Variants in FRYL observed in about 807,000 individuals in gnomAD.
The protein encoded by FRYL is FRY like transcription coactivator.
A neutral mutation model predicts 351.2 loss-of-function variants in FRYL; 150 were observed. The ratio of observed to expected loss-of-function variants is 0.43; its 90% CI spans 0.37 to 0.49. The LOEUF is 0.49. Among genes scored for constraint, FRYL ranks in the 20% least tolerant of loss-of-function variants. The pLI, the probability that FRYL is intolerant of heterozygous loss-of-function variation, is 0.00. For missense variants in FRYL, 3,036 were observed against 3,619.3 expected (o/e 0.84, Z 4.13); for synonymous variants, 1,153 against 1,257.1 (o/e 0.92, Z 1.75).
At chr4:48,582,406 T>A in intron 20 of FRYL, 91 bp downstream of exon 20, 1 of 792,864 alleles carries the variant, frequency 1.3e-6, no homozygotes, top group Middle Eastern at 2.4e-4. Flanking sequence ...ATAATACTTT[T>A]AGTGTTTGAT....
At chr4:48,585,357 C>A (rs748644150) in intron 19 of FRYL, among the ~76,000 whole-genome samples, 22 of 152,146 alleles carry the variant, frequency 1.4e-4, no homozygotes, top group Non-Finnish European at 2.8e-4. Context: ...TCACAACAGG[C>A]AACAGTTGAG....
rs568765521 is a variant in FRYL at position 48,709,716 on chromosome 4, G to A, written c.-204+803C>T. ...CACCCATTTCAGACGAGAAAACTGC[G>A]TCTACCAAGGCTAATTAACTGGCAT... On this transcript the variant is annotated intron_variant, in intron 2 of 63. Transcript: ENST00000358350. Among the ~76,000 whole-genome samples, 102 of 152,192 alleles carry A rather than the reference G, an allele frequency of 6.7e-4. 1 individual carries two copies. The highest frequency in any genetic ancestry group is 3.4e-3 in the Middle Eastern group (1 of 294).
At chr4:48,648,680 G>A (rs1383038441) in intron 3 of FRYL, among the ~76,000 whole-genome samples, 1 of 152,070 alleles carries the variant, frequency 6.6e-6, no homozygotes, top group East Asian at 1.9e-4. Context: ...AAATTGTGAT[G>A]TATCCATCCA....
chr4:48,507,571 C>T (rs1228412047), intron 59 of FRYL, among the ~76,000 whole-genome samples: 3 of 151,858 alleles, frequency 2.0e-5, no homozygotes, highest in Non-Finnish European at 4.4e-5. Flanking sequence ...GGAGTGAGCC[C>T]AATACCCGCC....
intron 37 of FRYL, among the ~76,000 whole-genome samples, chr4:48,551,011 G>A (rs890383684): frequency 6.6e-6 from 1 of 151,668 alleles, no homozygotes; most frequent in Non-Finnish European, 1.5e-5. Flanking sequence ...GGCAGAGGTT[G>A]AGCTGAGATT....
At chr4:48,511,307 T>C (rs991431522) in intron 57 of FRYL, among the ~76,000 whole-genome samples, 7 of 152,302 alleles carry the variant, frequency 4.6e-5, no homozygotes, top group Non-Finnish European at 1.0e-4. Flanking sequence ...TCACCTGTCT[T>C]GAGGAAGTTG....
intron 3 of FRYL, among the ~76,000 whole-genome samples, chr4:48,649,363 A>G (rs1295459076): frequency 6.6e-6 from 1 of 152,214 alleles, no homozygotes; most frequent in African/African-American, 2.4e-5. Flanking sequence ...TTTAACTTAT[A>G]AAATTACGGT....
At chr4:48,622,017 A>G (rs1750740908) in intron 5 of FRYL, among the ~76,000 whole-genome samples, 2 of 152,174 alleles carry the variant, frequency 1.3e-5, no homozygotes, top group Admixed American at 6.6e-5. Flanking sequence ...TGCAATATCT[A>G]AAGAAGGAAC....
Position 48,567,481 on chromosome 4 carries a change from A to C in FRYL, c.2997-61T>G, listed in dbSNP as rs1737041388. 1 of 1,266,254 alleles carries C rather than the reference A, an allele frequency of 7.9e-7. No homozygotes were observed. Among genetic ancestry groups the C allele is most frequent in the Non-Finnish European group, 1.1e-6 (1 of 926,070 alleles). The allele number at this position is 1,266,254 out of a possible 1,614,324, so 78.4% of individuals were successfully genotyped here. A position where few individuals can be genotyped will look rare whatever the true frequency, so the allele number is the denominator to read the frequency against. Reference sequence around the variant, plus strand: ...TGGGACTTTATGATTTAAATAAAAAATTCTTAATACTCAAAATCAGAATAA... The same window carrying C: ...TGGGACTTTATGATTTAAATAAAAACTTCTTAATACTCAAAATCAGAATAA... On this transcript the variant is annotated intron_variant, in intron 27 of 63. Transcript: ENST00000358350. This position sits in a 1 kb window ranked among gnomAD's most constrained non-coding sequence, Gnocchi z 4.2.
intron 1 of FRYL, among the ~76,000 whole-genome samples, chr4:48,758,609 G>A (rs999338081): frequency 1.3e-5 from 2 of 152,128 alleles, no homozygotes; most frequent in African/African-American, 2.4e-5. Flanking sequence ...GTGGAGAAAT[G>A]GGAACACTTT....
chr4:48,611,854 T>A (rs1300538737), intron 7 of FRYL, among the ~76,000 whole-genome samples: 2 of 152,188 alleles, frequency 1.3e-5, no homozygotes, highest in Non-Finnish European at 2.9e-5. Context: ...CAAGATATCA[T>A]TTTATACCTA....
At chr4:48,623,314 A>G (rs1448594791) in intron 4 of FRYL, 135 bp from the exon 5 acceptor site, 4 of 551,546 alleles carry the variant, frequency 7.3e-6, no homozygotes, top group Non-Finnish European at 1.2e-5. Flanking sequence ...AGATTGTTTT[A>G]AAGAAAGATA....
In FRYL at chr4:48,643,646, A is replaced by G. The variant is rs547649135; in HGVS notation, c.-80-9156T>C. 1.3e-3 allele frequency among the ~76,000 whole-genome samples: 198 copies of G among 152,354 alleles called. 1 individual carries two copies. Among genetic ancestry groups the G allele is most frequent in the African/African-American group, 4.2e-3 (175 of 41,578 alleles). On this transcript the variant is annotated intron_variant, in intron 3 of 63. Transcript: ENST00000358350. ...GATGATAAGTAAATGCAATAATATT[A>G]AAAAATTAAATCGTTACAAATATTA... is the stretch of plus-strand genomic sequence containing the variant.
chr4:48,709,258 A>ATGT (rs1767752077), intron 2 of FRYL, among the ~76,000 whole-genome samples: 1 of 152,140 alleles, frequency 6.6e-6, no homozygotes, highest in Non-Finnish European at 1.5e-5. Flanking sequence ...CCAGAATTAG[A>ATGT]ATCACTGATC....
At position 48,546,169 on chromosome 4, in the gene FRYL, C is replaced by G. The variant is rs761100834; in HGVS notation, c.5177G>C (p.Ser1726Thr). 3 of 1,613,602 alleles carry G rather than the reference C, an allele frequency of 1.9e-6. No individual in the cohort carries two copies. In the African/African-American group the frequency reaches 4.0e-5, roughly 22 times the overall value. The change falls in exon 42 of 64, where the codon AGT (serine) becomes ACT (threonine). Residue 1726 changes from serine (S) to threonine (T), a missense_variant. Physicochemically the swap from Ser to Thr is moderately conservative, Grantham distance 58. Transcript: ENST00000358350. ...GGTGTGCAGATGTGAAATGGCAGCA[C>G]TGTTATTTCCTAAGCTGATACTAGA... Reference protein sequence around the residue: ...TSSSISLGNNSAAISHLHTTI... With the variant: ...TSSSISLGNNTAAISHLHTTI...
chr4:48,609,703 T>C (rs1349480806), intron 8 of FRYL, 41 bp downstream of exon 8: 1 of 967,724 alleles, frequency 1.0e-6, no homozygotes, highest in African/African-American at 1.7e-5. Context: ...AGACCTGGAT[T>C]GCAAAAAAAG....
chr4:48,540,675 C>A lies in FRYL; in HGVS notation c.5973G>T (p.Gln1991His). 6.2e-7 allele frequency: 1 copy of A among 1,613,962 alleles called. No homozygotes were observed. Among genetic ancestry groups the A allele is most frequent in the Non-Finnish European group, 8.5e-7 (1 of 1,179,884 alleles). The change falls in exon 46 of 64, where the codon CAG (glutamine) becomes CAT (histidine). Residue 1991 changes from glutamine (Q) to histidine (H), a missense_variant. By Grantham distance (24) the Gln-to-His change is conservative. Transcript: ENST00000358350. ...TCAAGTTGGTAGGCTCAGTAGTGGACTGCACGTCATACATTCCTTTCTCTC... is the reference window on the plus strand; with the variant it reads ...TCAAGTTGGTAGGCTCAGTAGTGGAATGCACGTCATACATTCCTTTCTCTC... ...SLREKGMYDV[Q>H]STTEPTNLMA...
intron 1 of FRYL, among the ~76,000 whole-genome samples, chr4:48,752,732 A>G (rs1773375868): frequency 6.6e-6 from 1 of 152,258 alleles, no homozygotes; most frequent in Non-Finnish European, 1.5e-5. Flanking sequence ...GGTGAAAGCT[A>G]GACAAGAGTT....
chr4:48,657,360 T>TC (rs1445736255), intron 3 of FRYL, among the ~76,000 whole-genome samples: 3 of 149,408 alleles, frequency 2.0e-5, no homozygotes, highest in African/African-American at 4.9e-5. Context: ...TTTCTTTTTT[T>TC]TTTTTTTTTT....
Sources: allele counts gnomAD v4.1 joint callset (sites outside exome capture counted in the v4.1 genomes callset), GRCh38; gene constraint gnomAD v4.1.1; non-coding constraint Gnocchi (gnomAD v3.1); transcripts MANE v1.5; gene names NCBI Gene and HGNC (gene_info 2026-07-23, HGNC 2026-07-21).